Variants in TRPM7 observed in about 807,000 individuals in gnomAD.
TRPM7 encodes the protein transient receptor potential cation channel subfamily M member 7.
In TRPM7, 134 loss-of-function variants were observed where a neutral mutation model predicts 229.7. That is an observed-to-expected ratio of 0.58 (90% CI 0.51 to 0.67). TRPM7 has a LOEUF of 0.67. TRPM7 is among the 30% of genes least tolerant of loss of function. TRPM7 has a pLI of 0.00. For missense variants in TRPM7, 1,901 were observed against 2,210.0 expected (o/e 0.86, Z 2.80); for synonymous variants, 699 against 715.2 (o/e 0.98, Z 0.36).
At position 50,562,371 on chromosome 15, in the gene TRPM7, T is replaced by C. The variant is rs1481541284; in HGVS notation, c.5468-563A>G. On this transcript the variant is annotated intron_variant, in intron 38 of 38. Transcript: ENST00000646667. ...AGAAACTCATGTAGGCGTGGGAATGTAGCAGTGAACAAACCAGACAAGCTC... is the reference window on the plus strand; with the variant it reads ...AGAAACTCATGTAGGCGTGGGAATGCAGCAGTGAACAAACCAGACAAGCTC... Among the ~76,000 whole-genome samples, 5 of 152,142 alleles carry C rather than the reference T, an allele frequency of 3.3e-5. No individual in the cohort carries two copies. In the East Asian group the frequency reaches 9.6e-4, roughly 29 times the overall value.
intron 19 of TRPM7, among the ~76,000 whole-genome samples, chr15:50,608,232 C>A (rs1316216735): frequency 1.3e-5 from 2 of 151,998 alleles, no homozygotes; most frequent in Non-Finnish European, 2.9e-5. Context: ...ATACTCTTTA[C>A]AAAACAGGTT....
intron 9 of TRPM7, among the ~76,000 whole-genome samples, chr15:50,631,794 T>TAG (rs2060742868): frequency 6.6e-6 from 1 of 152,184 alleles, no homozygotes; most frequent in South Asian, 2.1e-4. Context: ...TGTCCCTTAC[T>TAG]AGAGTAAGAA....
In TRPM7 at chr15:50,637,438, C is replaced by T. The variant is rs1050554185; in HGVS notation, c.816G>A (p.Gln272=). Residue 272 remains glutamine, a synonymous_variant, in exon 7 of 39, where the codon CAG becomes CAA. Coordinates refer to ENST00000646667, the MANE Select transcript of TRPM7 (RefSeq NM_017672.6). ...LRRELEKTIN[Q]QRIHARIGQG... ...TTCACTTACTAGCATGAATTCTTTG[C>T]TGATTAATAGTTTTTTCAAGTTCTC... 1 of 1,612,914 alleles carries T rather than the reference C, an allele frequency of 6.2e-7. No individual in the cohort carries two copies. The highest frequency in any genetic ancestry group is 1.1e-5 in the South Asian group (1 of 90,824).
intron 1 of TRPM7, among the ~76,000 whole-genome samples, chr15:50,677,757 AAAAC>A (rs1459870144): frequency 1.1e-4 from 16 of 149,616 alleles, no homozygotes; most frequent in Admixed American, 1.0e-3. Flanking sequence ...AAAAAAAAAA[AAAAC>A]AAAAGGTAAC....
At chr15:50,645,184 C>T (rs1207614048) in intron 4 of TRPM7, among the ~76,000 whole-genome samples, 1 of 151,906 alleles carries the variant, frequency 6.6e-6, no homozygotes. Flanking sequence ...GGATTACAGA[C>T]ACACGGCACC....
chr15:50,678,934 C>T (rs1206033662), intron 1 of TRPM7, among the ~76,000 whole-genome samples: 2 of 152,164 alleles, frequency 1.3e-5, no homozygotes, highest in African/African-American at 4.8e-5. Flanking sequence ...AGTGCAATGG[C>T]GTGATCTCAG....
In TRPM7 at chr15:50,560,460, C is replaced by T. The variant is rs1268373406; in HGVS notation, c.*1218G>A. ...GCCTTGTCTGTATCTATGAGATACA[C>T]TACTAAATACAAATAAGCTTTATAC... On this transcript the variant is annotated 3_prime_UTR_variant, in exon 39 of 39. Transcript: ENST00000646667. 3 of 151,526 alleles carry T rather than the reference C, an allele frequency of 2.0e-5. No individual in the cohort carries two copies. Among genetic ancestry groups the T allele is most frequent in the Non-Finnish European group, 4.4e-5 (3 of 67,898 alleles). 9.4% of individuals were successfully genotyped at this position (151,526 alleles called of 1,614,324 possible).
In TRPM7 at chr15:50,611,241, T is replaced by C; in HGVS notation, c.2132A>G (p.Tyr711Cys). 6.2e-7 allele frequency: 1 copy of C among 1,613,980 alleles called. No individual in the cohort carries two copies. The highest frequency in any genetic ancestry group is 8.5e-7 in the Non-Finnish European group (1 of 1,179,944). The change falls in exon 17 of 39, where the codon TAT becomes TGT. Residue 711 changes from tyrosine to cysteine, a missense_variant. Tyr to Cys is a radical substitution (Grantham distance 194, BLOSUM62 -2). This residue lies in a region of TRPM7 where 794 missense variants were observed against 881.9 expected (regional missense o/e 0.90). Transcript: ENST00000646667. The stretch of plus-strand genomic sequence containing the variant: ...TGAATTACTCCAGTTCTTCAGTTCA[T>C]AAGTGAGCAATTTCATAGCCATGGT... ...DETMAMKLLT[Y>C]ELKNWSNSTC...
At chr15:50,562,598 CTT>C (rs1314830889) in intron 38 of TRPM7, among the ~76,000 whole-genome samples, 2 of 151,942 alleles carry the variant, frequency 1.3e-5, no homozygotes, top group African/African-American at 4.8e-5. Flanking sequence ...GGTGAAGTCT[CTT>C]GTCTCTACAA....
At chr15:50,636,752 G>A (rs931703718) in intron 7 of TRPM7, among the ~76,000 whole-genome samples, 1 of 152,052 alleles carries the variant, frequency 6.6e-6, no homozygotes, top group Non-Finnish European at 1.5e-5. Flanking sequence ...ATTTTAAGCT[G>A]ATTTATTTCT....
rs527407154 is a variant in TRPM7 at position 50,578,848 on chromosome 15, A to C, written c.4593-184T>G. ...TCCCAATCCATATATAGATATATAT[A>C]TCTATATATATATATCCATATGTAT... On this transcript the variant is annotated intron_variant, in intron 30 of 38. Coordinates refer to ENST00000646667, the MANE Select transcript of TRPM7 (RefSeq NM_017672.6). Among the ~76,000 whole-genome samples the C allele has an allele frequency of 3.3e-5, 5 of 150,658 alleles. No individual in the cohort carries two copies. The South Asian group carries it at 1.0e-3, about 31-fold the overall frequency.
intron 13 of TRPM7, among the ~76,000 whole-genome samples, chr15:50,617,346 A>C (rs1259788200): frequency 1.3e-5 from 2 of 150,760 alleles, no homozygotes; most frequent in Non-Finnish European, 3.0e-5. Context: ...AAAAAAAAAA[A>C]AAACAAATCA....
rs974971259 is a variant in TRPM7, at chr15:50,682,894, C to T, written c.3+3637G>A. On this transcript the variant is annotated intron_variant, in intron 1 of 38. Coordinates refer to ENST00000646667, the MANE Select transcript of TRPM7 (RefSeq NM_017672.6). ...AACCACTGAATTTTGCTTCCCGGTA[C>T]CAAACTTTTTTTTTTTTTTTGAGAC... 3.4e-5 allele frequency among the ~76,000 whole-genome samples: 5 copies of T among 149,138 alleles called. 1 individual carries two copies. Among genetic ancestry groups the T allele is most frequent in the Non-Finnish European group, 7.4e-5 (5 of 67,350 alleles).
intron 21 of TRPM7, among the ~76,000 whole-genome samples, chr15:50,601,668 T>A (rs771595815): frequency 3.5e-4 from 53 of 151,856 alleles, no homozygotes; most frequent in Non-Finnish European, 6.2e-4. Context: ...TAAAGTAAAA[T>A]TTTTAAAAAT....
In TRPM7 at chr15:50,686,592, C is replaced by T. The variant is rs2062365667; in HGVS notation, c.-59G>A. 5 of 1,600,354 alleles carry T rather than the reference C, an allele frequency of 3.1e-6. No individual in the cohort carries two copies. Among genetic ancestry groups the T allele is most frequent in the Non-Finnish European group, 3.4e-6 (4 of 1,173,392 alleles). On this transcript the variant is annotated 5_prime_UTR_variant, in exon 1 of 39. Transcript: ENST00000646667. ...ACTCCACCTCCTCCTCCTCCGCGGCCTGTAGCCATCTATCGGGAAGCGTCT... is the reference window on the plus strand; with the variant it reads ...ACTCCACCTCCTCCTCCTCCGCGGCTTGTAGCCATCTATCGGGAAGCGTCT...
chr15:50,637,545 C>T lies in TRPM7; in HGVS notation c.709G>A (p.Val237Ile). The change falls in exon 7 of 39, where the codon GTT becomes ATT. Residue 237 changes from valine to isoleucine, a missense_variant. Physicochemically the swap from Val to Ile is conservative, Grantham distance 29. This residue lies in a region of TRPM7 where 794 missense variants were observed against 881.9 expected (regional missense o/e 0.90). Coordinates refer to ENST00000646667, the MANE Select transcript of TRPM7 (RefSeq NM_017672.6). ...TLLNPLSKLN[V>I]LNNLHSHFIL... ...AAATGGGAATGCAGATTATTCAAAA[C>T]ATTCAATTTGCTCAGGGGGTTCAAT... 1.2e-6 allele frequency: 2 copies of T among 1,614,048 alleles called. No individual in the cohort carries two copies. Among genetic ancestry groups the T allele is most frequent in the African/African-American group, 1.3e-5 (1 of 75,028 alleles).
intron 33 of TRPM7, among the ~76,000 whole-genome samples, chr15:50,575,486 C>A (rs2054087550): frequency 6.6e-6 from 1 of 152,094 alleles, no homozygotes; most frequent in Non-Finnish European, 1.5e-5. Context: ...GGATCAAGAA[C>A]TTTTTAGAAT....
intron 4 of TRPM7, among the ~76,000 whole-genome samples, chr15:50,647,090 C>A (rs2061290314): frequency 4.6e-5 from 7 of 152,182 alleles, no homozygotes; most frequent in Admixed American, 4.6e-4. Flanking sequence ...CTGCATATAA[C>A]AAGTTAAAAA....
chr15:50,613,857 T>A lies in TRPM7; in HGVS notation c.1636-16A>T. The A allele has an allele frequency of 6.2e-7, 1 of 1,603,658 alleles. No individual in the cohort carries two copies. The highest frequency in any genetic ancestry group is 1.1e-5 in the South Asian group (1 of 88,430). ...GGCCAGACCTCTGAAAATGAGATCT[T>A]ATTAGCTTTTATAGATTTAAACGTG... On this transcript the variant is annotated splice_polypyrimidine_tract_variant and intron_variant, in intron 14 of 38. Transcript: ENST00000646667.
Sources: gnomAD v4.1 joint callset for allele counts (sites outside exome capture counted in the v4.1 genomes callset) on GRCh38, gnomAD v4.1.1 for gene constraint, gnomAD v4.1.1 regional missense constraint, MANE v1.5 for transcripts, NCBI Gene and HGNC (gene_info 2026-07-23, HGNC 2026-07-21) for gene names.